TRMT11: variants seen among roughly 807,000 people sequenced by gnomAD.
TRMT11 encodes the protein tRNA methyltransferase 11.
Under a neutral mutation model 62.8 loss-of-function variants are expected in TRMT11, and 53 were observed. The observed-to-expected ratio is 0.84, with a 90% confidence interval of 0.68 to 1.06. The LOEUF is 1.06. TRMT11 is among the 50% of genes least tolerant of loss of function. The probability of loss-of-function intolerance (pLI) is 0.00; values close to 1 mark genes in which losing one functional copy is unlikely to be tolerated. For missense variants in TRMT11, 556 were observed against 553.4 expected (o/e 1.00, Z -0.05); for synonymous variants, 188 against 190.3 (o/e 0.99, Z 0.10).
At chr6:126,160,378 T>A (rs1372608539) in intron 21 of TRMT11, among the ~76,000 whole-genome samples, 4 of 152,166 alleles carry the variant, frequency 2.6e-5, no homozygotes, top group Admixed American at 2.6e-4. Flanking sequence ...GAGTTGTTGC[T>A]ATTGCTTCTT....
chr6:126,193,747 C>T (rs374003180), intron 1 of TRMT11, among the ~76,000 whole-genome samples: 46 of 152,066 alleles, frequency 3.0e-4, no homozygotes, highest in African/African-American at 1.1e-3. Context: ...CCCGCCTCAG[C>T]CTCCCAAAGT....
chr6:126,134,488 A>G (rs915464084), intron 21 of TRMT11, among the ~76,000 whole-genome samples: 9 of 151,828 alleles, frequency 5.9e-5, no homozygotes, highest in East Asian at 3.9e-4. Flanking sequence ...TGAAGCACTC[A>G]TATATATAAG....
intron 17 of TRMT11, among the ~76,000 whole-genome samples, chr6:126,093,747 T>C (rs949227523): frequency 1.3e-5 from 2 of 149,714 alleles, no homozygotes; most frequent in African/African-American, 4.9e-5. Context: ...AGTGGGAGAG[T>C]GCAGTTAATC....
At chr6:126,040,921 C>T (rs1047197931), downstream of TRMT11, among the ~76,000 whole-genome samples, 4 of 152,070 alleles carry the variant, frequency 2.6e-5, no homozygotes, top group Non-Finnish European at 5.9e-5. Flanking sequence ...AAGTGGCCAG[C>T]AGATTTTGAA....
chr6:126,119,887 G>A (rs1026908812), intron 21 of TRMT11, among the ~76,000 whole-genome samples: 1 of 152,030 alleles, frequency 6.6e-6, no homozygotes, highest in Non-Finnish European at 1.5e-5. Context: ...GATGTTCACT[G>A]GGACATTATT....
the TRMT11 span, among the ~76,000 whole-genome samples, chr6:126,270,286 T>G: frequency 6.6e-6 from 1 of 152,258 alleles, no homozygotes; most frequent in African/African-American, 2.4e-5. Context: ...ATTGAGTAAA[T>G]GTATTGATGG....
At chr6:126,011,111 A>T (rs372729646) in intron 8 of TRMT11, 142 bp from the exon 9 acceptor site, 1 of 605,074 alleles carries the variant, frequency 1.7e-6, no homozygotes. Flanking sequence ...ATTTACTTGT[A>T]TACATAAAAT....
At chr6:125,988,193 G>A (rs1359268148) in intron 1 of TRMT11, among the ~76,000 whole-genome samples, 1 of 152,226 alleles carries the variant, frequency 6.6e-6, no homozygotes, top group Admixed American at 6.5e-5. Context: ...GAATGAAAAA[G>A]TGTCATTGAT....
intron 21 of TRMT11, among the ~76,000 whole-genome samples, chr6:126,171,843 C>G (rs151083902): frequency 6.6e-6 from 1 of 152,008 alleles, no homozygotes; most frequent in South Asian, 2.1e-4. Context: ...CTCAGCCTCC[C>G]GAGTACCTAG....
At chr6:126,077,872 G>A (rs1012977804) in intron 17 of TRMT11, among the ~76,000 whole-genome samples, 5 of 152,162 alleles carry the variant, frequency 3.3e-5, no homozygotes, top group African/African-American at 9.7e-5. Flanking sequence ...AAAAGAGGCT[G>A]CAATCATAAA....
the TRMT11 span, among the ~76,000 whole-genome samples, chr6:126,253,100 GA>G: frequency 9.6e-3 from 1,402 of 146,528 alleles, 12 homozygotes; most frequent in Middle Eastern, 0.031. Flanking sequence ...TGGATTTAAT[GA>G]AAAAAAAAAA....
chr6:126,155,409 A>T (rs1475125388), intron 21 of TRMT11, among the ~76,000 whole-genome samples: 2 of 152,154 alleles, frequency 1.3e-5, no homozygotes, highest in Non-Finnish European at 2.9e-5. Context: ...GAGGGGACAA[A>T]CATCCAAACT....
chr6:125,992,557 C>T (rs1292354973), intron 1 of TRMT11, among the ~76,000 whole-genome samples: 1 of 152,158 alleles, frequency 6.6e-6, no homozygotes, highest in Non-Finnish European at 1.5e-5. Context: ...CCTTAATAAC[C>T]ACCTAGGTTC....
At chr6:126,156,296 G>A (rs966844338) in intron 21 of TRMT11, among the ~76,000 whole-genome samples, 3 of 152,214 alleles carry the variant, frequency 2.0e-5, no homozygotes, top group Non-Finnish European at 2.9e-5. Flanking sequence ...ACTAGGCAGT[G>A]TCATTGTGGG....
upstream of TRMT11, among the ~76,000 whole-genome samples, chr6:126,172,476 T>C (rs1263284921): frequency 6.6e-6 from 1 of 152,188 alleles, no homozygotes; most frequent in Non-Finnish European, 1.5e-5. Context: ...TCCCCGGTAG[T>C]TATGTGATTT....
At chr6:126,153,136 C>A (rs542978515) in intron 21 of TRMT11, among the ~76,000 whole-genome samples, 47 of 152,288 alleles carry the variant, frequency 3.1e-4, no homozygotes, top group African/African-American at 1.1e-3. Context: ...AATATTATAT[C>A]TTGGAAATAT....
At chr6:126,257,987 G>A in the TRMT11 span, 1 of 1,548,858 alleles carries the variant, frequency 6.5e-7, no homozygotes, top group Non-Finnish European at 8.9e-7. Context: ...CAGGGATGAA[G>A]GCCTCGGTGG....
the TRMT11 span, among the ~76,000 whole-genome samples, chr6:126,260,478 C>G: frequency 3.3e-5 from 5 of 152,108 alleles, no homozygotes; most frequent in Non-Finnish European, 5.9e-5. Flanking sequence ...CATTATATCA[C>G]TGTGATATTC....
the TRMT11 span, among the ~76,000 whole-genome samples, chr6:126,228,755 A>G: frequency 2.8e-4 from 42 of 152,220 alleles, no homozygotes; most frequent in Non-Finnish European, 5.1e-4. Context: ...ACACCATTTT[A>G]ATGATTTCCA....
Sources: gnomAD v4.1 joint callset for allele counts (sites outside exome capture counted in the v4.1 genomes callset) on GRCh38, gnomAD v4.1.1 for gene constraint, MANE v1.5 for transcripts, NCBI Gene and HGNC (gene_info 2026-07-23, HGNC 2026-07-21) for gene names.